The following PRELID2 variants were observed in gnomAD, a reference collection of about 807,000 sequenced individuals.
PRELID2 encodes PRELI domain containing 2, also known as PRELI domain-containing protein 2.
PRELID2 carries 25 observed loss-of-function variants against 28.4 expected under a neutral mutation model. That is an observed-to-expected ratio of 0.88 (90% CI 0.64 to 1.23). PRELID2 has a LOEUF of 1.23. Ranked by LOEUF, PRELID2 falls within the 50% of genes most tolerant of loss-of-function variation. The probability of loss-of-function intolerance (pLI) is 0.00; values close to 1 mark genes in which losing one functional copy is unlikely to be tolerated. For synonymous variants in PRELID2, 76 were observed against 71.6 expected, an observed-to-expected ratio of 1.06 and a Z score of -0.31; for missense variants, 201 against 214.4, an observed-to-expected ratio of 0.94 and a Z score of 0.39.
At chr5:145,739,032 C>T (rs1756575001) in intron 1 of PRELID2, among the ~76,000 whole-genome samples, 2 of 151,984 alleles carry the variant, frequency 1.3e-5, no homozygotes, top group Admixed American at 1.3e-4. Flanking sequence ...TTTTCAAGTG[C>T]TGAAAGAAAA....
chr5:145,803,886 T>TC (rs1753317651), intron 4 of PRELID2, among the ~76,000 whole-genome samples: 1 of 151,956 alleles, frequency 6.6e-6, no homozygotes, highest in African/African-American at 2.4e-5. Context: ...ATGAACCCCT[T>TC]CCCCACCCCA....
chr5:145,713,645 CTATATA>C (rs895045603), intron 1 of PRELID2, among the ~76,000 whole-genome samples: 3 of 89,372 alleles, frequency 3.4e-5, no homozygotes, highest in South Asian at 7.9e-4. Context: ...TTTATATATA[CTATATA>C]TAAAGTATAT....
chr5:145,387,766 T>C, the PRELID2 span, among the ~76,000 whole-genome samples: 1 of 151,714 alleles, frequency 6.6e-6, no homozygotes, highest in Non-Finnish European at 1.5e-5. Flanking sequence ...ACCCTGTCTG[T>C]ACAAAAAATA....
At chr5:145,709,596 AC>A (rs1338231187) in intron 1 of PRELID2, among the ~76,000 whole-genome samples, 19 of 151,910 alleles carry the variant, frequency 1.3e-4, no homozygotes, top group Middle Eastern at 3.4e-3. Flanking sequence ...AAAAAAAAAA[AC>A]AAAATGAAGT....
At chr5:145,697,117 C>CAT (rs1020410208) in intron 1 of PRELID2, among the ~76,000 whole-genome samples, 5 of 130,604 alleles carry the variant, frequency 3.8e-5, no homozygotes, top group South Asian at 2.5e-4. Context: ...ATATACCTGA[C>CAT]ATATATATAT....
At chr5:145,375,483 G>A in the PRELID2 span, among the ~76,000 whole-genome samples, 6 of 152,134 alleles carry the variant, frequency 3.9e-5, no homozygotes, top group South Asian at 2.1e-4. Flanking sequence ...CCCGTTTAAC[G>A]AAGCACTTTG....
In PRELID2 at chr5:145,789,288, C is replaced by CA. The variant is rs529945418; in HGVS notation, c.474+7153dup. On this transcript the variant is annotated intron_variant, in intron 5 of 6. Transcript: ENST00000683046. Reference sequence around the variant, plus strand: ...AGTAATCAAAATGGCACAATACTGGCAAAAAACAGACACATTGAATAATGG... The same window carrying CA: ...AGTAATCAAAATGGCACAATACTGGCAAAAAAACAGACACATTGAATAATGG... Among the ~76,000 whole-genome samples, 12 of 151,968 alleles carry CA rather than the reference C, an allele frequency of 7.9e-5. No individual in the cohort carries two copies. The South Asian group carries it at 2.1e-3, about 26-fold the overall frequency.
chr5:145,598,140 A>G (rs1396827122), intron 1 of PRELID2, among the ~76,000 whole-genome samples: 1 of 152,170 alleles, frequency 6.6e-6, no homozygotes, highest in Non-Finnish European at 1.5e-5. Context: ...AATAGAAAGA[A>G]CTTTGTGATC....
the PRELID2 span, among the ~76,000 whole-genome samples, chr5:145,455,851 G>A: frequency 1.1e-4 from 16 of 152,110 alleles, no homozygotes; most frequent in African/African-American, 2.2e-4. Flanking sequence ...GTTTTGGCTC[G>A]CCCTCCATGG....
At chr5:145,497,861 G>A (rs1030677205) in intron 1 of PRELID2, among the ~76,000 whole-genome samples, 1 of 152,244 alleles carries the variant, frequency 6.6e-6, no homozygotes, top group African/African-American at 2.4e-5. Flanking sequence ...GATCAATTCT[G>A]TTGTCAAAGA....
At chr5:145,482,958 T>C (rs1218223095) in intron 1 of PRELID2, among the ~76,000 whole-genome samples, 2 of 152,090 alleles carry the variant, frequency 1.3e-5, no homozygotes, top group East Asian at 3.9e-4. Flanking sequence ...GGGGAGCAAC[T>C]GTAAATACAG....
At chr5:145,697,695 A>G (rs1324821254) in intron 1 of PRELID2, among the ~76,000 whole-genome samples, 3 of 152,074 alleles carry the variant, frequency 2.0e-5, no homozygotes, top group Non-Finnish European at 2.9e-5. Context: ...TAACTTGAAG[A>G]TTTGGGGGAA....
chr5:145,737,199 G>A (rs1268244807), intron 1 of PRELID2, among the ~76,000 whole-genome samples: 1 of 152,100 alleles, frequency 6.6e-6, no homozygotes, highest in African/African-American at 2.4e-5. Context: ...GCAAGCAGAC[G>A]AGACAGGCTC....
chr5:145,315,479 C>T, the PRELID2 span, among the ~76,000 whole-genome samples: 1 of 152,054 alleles, frequency 6.6e-6, no homozygotes, highest in African/African-American at 2.4e-5. Flanking sequence ...TTTAGTTTCA[C>T]TCTCTCCAGA....
chr5:145,574,582 T>C (rs1341850759), intron 1 of PRELID2, among the ~76,000 whole-genome samples: 2 of 152,158 alleles, frequency 1.3e-5, no homozygotes, highest in Non-Finnish European at 2.9e-5. Flanking sequence ...TAAGCTTATG[T>C]TTTGGGGTCC....
the PRELID2 span, among the ~76,000 whole-genome samples, chr5:145,276,987 T>A: frequency 6.6e-6 from 1 of 152,080 alleles, no homozygotes; most frequent in Non-Finnish European, 1.5e-5. Context: ...GAAGTCCAGG[T>A]CTCCTAGATT....
At position 145,536,158 on chromosome 5, in the gene PRELID2, G is replaced by A. The variant is rs530192556; in HGVS notation, n.71-62843C>T. On this transcript the variant is annotated intron_variant and non_coding_transcript_variant, in intron 1 of 2. Coordinates refer to the PRELID2 transcript ENST00000510259. ...GTGGTTCTCTCCATTACTCTGTTAA[G>A]GGAGGCTGAGGGATGGCTTCACAAA... 2.0e-5 allele frequency among the ~76,000 whole-genome samples: 3 copies of A among 152,060 alleles called. No homozygotes were observed. The East Asian group carries it at 5.8e-4, about 29-fold the overall frequency.
intron 4 of PRELID2, among the ~76,000 whole-genome samples, chr5:145,798,163 A>T (rs1321388397): frequency 6.6e-6 from 1 of 151,938 alleles, no homozygotes; most frequent in Non-Finnish European, 1.5e-5. Context: ...GTTATTTGAA[A>T]TTATTGAGTC....
chr5:145,262,985 G>A, the PRELID2 span, among the ~76,000 whole-genome samples: 4 of 152,026 alleles, frequency 2.6e-5, no homozygotes, highest in African/African-American at 9.7e-5. Flanking sequence ...TAAGGATAAG[G>A]GGTGGAAAAC....
Sources: gnomAD v4.1 joint callset for allele counts (sites outside exome capture counted in the v4.1 genomes callset) on GRCh38, gnomAD v4.1.1 for gene constraint, MANE v1.5 for transcripts, NCBI Gene and HGNC (gene_info 2026-07-23, HGNC 2026-07-21) for gene names.